The following GALNTL6 variants were observed in gnomAD, a reference collection of about 807,000 sequenced individuals.
GALNTL6 encodes polypeptide N-acetylgalactosaminyltransferase like 6.
Under a neutral mutation model 73.7 loss-of-function variants are expected in GALNTL6, and 46 were observed. That is an observed-to-expected ratio of 0.62 (90% CI 0.49 to 0.80). GALNTL6 has a LOEUF of 0.80. Among genes scored for constraint, GALNTL6 ranks in the 30% least tolerant of loss-of-function variants. GALNTL6 has a pLI of 0.00. For missense variants in GALNTL6, 604 were observed against 755.0 expected (o/e 0.80, Z 2.34); for synonymous variants, 259 against 263.7 (o/e 0.98, Z 0.17).
chr4:172,001,341 A>C (rs1427735924), intron 2 of GALNTL6, among the ~76,000 whole-genome samples: 1 of 152,200 alleles, frequency 6.6e-6, no homozygotes, highest in Non-Finnish European at 1.5e-5. Context: ...AGTACACTGC[A>C]TATCAGGATA....
chr4:172,832,477 A>G (rs1742690232), intron 7 of GALNTL6, among the ~76,000 whole-genome samples: 1 of 152,218 alleles, frequency 6.6e-6, no homozygotes, highest in Non-Finnish European at 1.5e-5. Context: ...AAGAAACCCA[A>G]ATTTAATGAT....
At chr4:172,061,109 T>C (rs1317474146) in intron 2 of GALNTL6, among the ~76,000 whole-genome samples, 2 of 152,162 alleles carry the variant, frequency 1.3e-5, no homozygotes, top group African/African-American at 4.8e-5. Flanking sequence ...TCAGTTATTG[T>C]ACAAATTCAT....
intron 2 of GALNTL6, among the ~76,000 whole-genome samples, chr4:171,933,254 G>A (rs539331105): frequency 2.6e-5 from 4 of 152,066 alleles, no homozygotes; most frequent in East Asian, 1.9e-4. Context: ...CTCTTAATAC[G>A]GTAATTTGAG....
chr4:172,253,294 C>T (rs1737946330), intron 3 of GALNTL6, among the ~76,000 whole-genome samples: 1 of 151,728 alleles, frequency 6.6e-6, no homozygotes, highest in South Asian at 2.1e-4. Context: ...TAAATTAAGC[C>T]TAAAAAGATG....
intron 2 of GALNTL6, among the ~76,000 whole-genome samples, chr4:171,936,127 T>C (rs372711550): frequency 7.9e-5 from 12 of 152,292 alleles, no homozygotes; most frequent in East Asian, 7.7e-4. Context: ...TGTTTTTTAA[T>C]GAACAAAGTA....
At chr4:172,132,678 A>G (rs564622591) in intron 2 of GALNTL6, among the ~76,000 whole-genome samples, 48 of 152,250 alleles carry the variant, frequency 3.2e-4, no homozygotes, top group African/African-American at 1.1e-3. Context: ...TTTTTACTAG[A>G]TATAAGCCAT....
chr4:172,899,598 A>C (rs1276195163), intron 8 of GALNTL6, among the ~76,000 whole-genome samples: 1 of 152,178 alleles, frequency 6.6e-6, no homozygotes, highest in East Asian at 1.9e-4. Context: ...TAGTGTTACC[A>C]GAAAGGGGTC....
chr4:172,590,332 C>T (rs1041386257), intron 5 of GALNTL6, among the ~76,000 whole-genome samples: 1 of 152,014 alleles, frequency 6.6e-6, no homozygotes, highest in African/African-American at 2.4e-5. Context: ...CTGGGGGAAC[C>T]TCAGGAAAGT....
intron 5 of GALNTL6, among the ~76,000 whole-genome samples, chr4:172,384,798 G>A (rs1743403118): frequency 6.6e-6 from 1 of 151,972 alleles, no homozygotes; most frequent in Admixed American, 6.6e-5. Flanking sequence ...TTTTATTAGA[G>A]ACAGGGCCTT....
intron 5 of GALNTL6, among the ~76,000 whole-genome samples, chr4:172,690,796 G>T (rs920074973): frequency 6.6e-6 from 1 of 152,044 alleles, no homozygotes; most frequent in Admixed American, 6.6e-5. Context: ...CAAACCTTCT[G>T]GTTAACTTAA....
chr4:172,116,851 T>C (rs1553994083), intron 2 of GALNTL6, among the ~76,000 whole-genome samples: 1 of 152,186 alleles, frequency 6.6e-6, no homozygotes. Flanking sequence ...ATGAAGCAAA[T>C]ATAAGCTTTT....
At chr4:171,885,558 T>C (rs148899784) in intron 2 of GALNTL6, among the ~76,000 whole-genome samples, 3,195 of 152,238 alleles carry the variant, frequency 0.021, 100 homozygotes, top group African/African-American at 0.072. Context: ...GTAATCTCAG[T>C]GCTTTGGGAG....
intron 5 of GALNTL6, among the ~76,000 whole-genome samples, chr4:172,757,656 A>C (rs1208108555): frequency 1.3e-5 from 2 of 152,262 alleles, no homozygotes; most frequent in Non-Finnish European, 2.9e-5. Flanking sequence ...AAATGAGGAC[A>C]TCCACGAACT....
intron 2 of GALNTL6, among the ~76,000 whole-genome samples, chr4:171,867,357 A>C (rs1000530660): frequency 9.9e-5 from 15 of 152,194 alleles, no homozygotes; most frequent in African/African-American, 3.6e-4. Context: ...ATTTCTGCAA[A>C]AAAAGAATTA....
intron 6 of GALNTL6, among the ~76,000 whole-genome samples, chr4:172,811,148 A>C (rs147039122): frequency 3.3e-5 from 5 of 152,208 alleles, no homozygotes; most frequent in Non-Finnish European, 5.9e-5. Context: ...AAACAGGCAG[A>C]GCCACACAGT....
chr4:172,877,607 A>G (rs1289321807), intron 7 of GALNTL6, among the ~76,000 whole-genome samples: 1 of 151,914 alleles, frequency 6.6e-6, no homozygotes, highest in Non-Finnish European at 1.5e-5. Context: ...AGAAAAGTAA[A>G]CTAGTCTACC....
At chr4:172,895,320 T>C (rs1234575515) in intron 8 of GALNTL6, among the ~76,000 whole-genome samples, 1 of 151,116 alleles carries the variant, frequency 6.6e-6, no homozygotes, top group African/African-American at 2.4e-5. Context: ...TCTGATAGTA[T>C]TTTTCATTTG....
At chr4:172,168,908 ATAT>A (rs200346064) in intron 2 of GALNTL6, among the ~76,000 whole-genome samples, 3,396 of 152,314 alleles carry the variant, frequency 0.022, 41 homozygotes, top group Non-Finnish European at 0.032. Context: ...ATATGATAGT[ATAT>A]CATACCCCAA....
At chr4:172,520,058 TAATATGTCGTACATGTATGAGTGTTATA>T (rs1734727164) in intron 5 of GALNTL6, among the ~76,000 whole-genome samples, 1 of 151,938 alleles carries the variant, frequency 6.6e-6, no homozygotes, top group Non-Finnish European at 1.5e-5. Context: ...TTATTAATAG[TAATATGTCGTACATGTATGAGTGTTATA>T]AATCTAAAGC....
Sources: gnomAD v4.1 joint callset for allele counts (sites outside exome capture counted in the v4.1 genomes callset) on GRCh38, gnomAD v4.1.1 for gene constraint, MANE v1.5 for transcripts, NCBI Gene and HGNC (gene_info 2026-07-23, HGNC 2026-07-21) for gene names.